CCNF: variants seen among roughly 807,000 people sequenced by gnomAD.
CCNF encodes the protein cyclin-F.
A neutral mutation model predicts 85.4 loss-of-function variants in CCNF; 30 were observed. That is an observed-to-expected ratio of 0.35 (90% confidence interval 0.26 to 0.48). The LOEUF is 0.48. CCNF is among the 20% of genes least tolerant of loss of function. CCNF has a pLI of 0.99. For synonymous variants in CCNF, 439 were observed against 425.1 expected (o/e 1.03, Z -0.40); for missense variants, 919 against 1,010.4 (o/e 0.91, Z 1.23).
chr16:2,437,678 C>T (rs569518039), intron 5 of CCNF: 15 of 316,578 alleles, frequency 4.7e-5, no homozygotes, highest in African/African-American at 2.1e-4. Flanking sequence ...TGCTTGTGGC[C>T]AGGTGTTCGA....
chr16:2,455,401 G>A lies in CCNF; in HGVS notation c.1722G>A (p.Arg574=), dbSNP rs2141832482. The part of the protein sequence containing the change: ...SPSGRRTKRK[R]ENSLQEDRGS... ...GGCTCTCTCCACCTTGCAGGAAGCG[G>A]GAGAACAGCCTCCAGGAAGACAGAG... The change falls in exon 16 of 17, where the codon CGG becomes CGA. Residue 574 remains arginine, a synonymous_variant. Coordinates refer to ENST00000397066, the MANE Select transcript of CCNF (RefSeq NM_001761.3). 6.3e-7 allele frequency: 1 copy of A among 1,580,826 alleles called. No individual in the cohort carries two copies. The highest frequency in any genetic ancestry group is 8.7e-7 in the Non-Finnish European group (1 of 1,154,336).
chr16:2,453,463 C>T lies in CCNF; in HGVS notation c.1641C>T (p.Pro547=), dbSNP rs750242321. 1.4e-5 allele frequency: 23 copies of T among 1,613,950 alleles called. No homozygotes were observed. The highest frequency in any genetic ancestry group is 8.3e-5 in the Admixed American group (5 of 60,002). Residue 547 remains proline, a synonymous_variant, in exon 15 of 17, where the codon CCC becomes CCT. Coordinates refer to ENST00000397066, the MANE Select transcript of CCNF (RefSeq NM_001761.3). This position sits in a 1 kb window ranked among gnomAD's most constrained non-coding sequence, Gnocchi z 5.6. The part of the protein sequence containing the change: ...CAALGVTQDS[P]DPPTFLSTGE... ...CATTAGGAGTGACACAAGACAGCCC[C>T]GACCCCCCGACTTTCCTCAGCACAG...
At position 2,453,630 on chromosome 16, in the gene CCNF, C is replaced by CAAA. The variant is rs1464976734; in HGVS notation, c.1715+95_1715+96insAAA. The CAAA allele has an allele frequency of 5.6e-5, 85 of 1,511,226 alleles. No homozygotes were observed. Among genetic ancestry groups the CAAA allele is most frequent in the Non-Finnish European group, 7.6e-5 (84 of 1,104,394 alleles). 93.6% of individuals were successfully genotyped at this position (1,511,226 alleles called of 1,614,324 possible). ...GCGCTTCCTCACACAGAGAGGCCCC[C>CAAA]AAGGCTTGTCAGGGGAGCAGCAGAT... On this transcript the variant is annotated intron_variant, in intron 15 of 16. Transcript: ENST00000397066. This position sits in a 1 kb window ranked among gnomAD's most constrained non-coding sequence, Gnocchi z 5.6.
chr16:2,439,734 A>G lies in CCNF; in HGVS notation c.700-15A>G, dbSNP rs1262669032. 9.3e-6 allele frequency: 15 copies of G among 1,611,534 alleles called. No individual in the cohort carries two copies. Among genetic ancestry groups the G allele is most frequent in the Non-Finnish European group, 1.2e-5 (14 of 1,177,854 alleles). On this transcript the variant is annotated splice_polypyrimidine_tract_variant and intron_variant, in intron 7 of 16. Transcript: ENST00000397066. ...GACACAGTTGTACAAAGGCTCGGTG[A>G]TCTCCCATTGACAGGTGTCAGATCC...
intron 1 of CCNF, among the ~76,000 whole-genome samples, chr16:2,429,835 C>A (rs1567381118): frequency 6.6e-6 from 1 of 152,084 alleles, no homozygotes; most frequent in Non-Finnish European, 1.5e-5. Context: ...ACCAGCGCCT[C>A]CTGGTCGGGG....
intron 3 of CCNF, among the ~76,000 whole-genome samples, chr16:2,435,424 AT>A (rs34956143): frequency 1.3e-5 from 2 of 149,050 alleles, no homozygotes; most frequent in Non-Finnish European, 1.5e-5. Flanking sequence ...AAAAGAAAAT[AT>A]TTTTTTTTGA....
intron 3 of CCNF, 130 bp from the exon 4 acceptor site, chr16:2,435,676 T>C (rs1244329843): frequency 0.14 from 2,191 of 15,670 alleles, 85 homozygotes; most frequent in Admixed American, 0.23. Flanking sequence ...CATATATATA[T>C]ATATATATAT....
Position 2,448,856 on chromosome 16 carries a change from T to A in CCNF, c.1096T>A (p.Phe366Ile). Reference protein sequence around the residue: ...GIACMVICTRFISKEILTIRE... With the variant: ...GIACMVICTRIISKEILTIRE... Reference sequence around the variant, plus strand: ...TGAGACCCCTTCTCGGCGTTGCAGGTTTATCAGTAAAGAGATCCTGACCAT... The same window carrying A: ...TGAGACCCCTTCTCGGCGTTGCAGGATTATCAGTAAAGAGATCCTGACCAT... The change falls in exon 11 of 17, where the codon TTT becomes ATT. Residue 366 changes from phenylalanine (F) to isoleucine (I), a missense_variant and splice_region_variant. This residue lies in a region of CCNF where 410 missense variants were observed against 478.6 expected (regional missense o/e 0.86). Coordinates refer to ENST00000397066, the MANE Select transcript of CCNF (RefSeq NM_001761.3). The A allele has an allele frequency of 6.2e-7, 1 of 1,612,174 alleles. No individual in the cohort carries two copies. The highest frequency in any genetic ancestry group is 8.5e-7 in the Non-Finnish European group (1 of 1,178,794).
rs529445674 is a variant in CCNF, at chr16:2,449,398, C to T, written c.1335C>T (p.Ser445=). 1.6e-5 allele frequency: 26 copies of T among 1,612,184 alleles called. No homozygotes were observed. In the East Asian group the frequency reaches 1.8e-4, roughly 11 times the overall value. ...CELSLLHTSL[S]AYAPARLAAA... The stretch of plus-strand genomic sequence containing the variant: ...TCTCCCTGCTGCACACCAGCCTGTC[C>T]GCCTACGCCCCAGCCCGCCTGGCTG... The change falls in exon 12 of 17, where the codon TCC becomes TCT. Residue 445 remains serine (S), a synonymous_variant. Coordinates refer to ENST00000397066, the MANE Select transcript of CCNF (RefSeq NM_001761.3).
At chr16:2,441,402 A>C (rs1006486700) in intron 8 of CCNF, among the ~76,000 whole-genome samples, 3 of 152,106 alleles carry the variant, frequency 2.0e-5, no homozygotes, top group South Asian at 2.1e-4. Context: ...TCTCAACAAA[A>C]ACATTGTTTA....
At chr16:2,449,076 G>A (rs117691134) in intron 11 of CCNF, 98 bp downstream of exon 11, 136 of 1,538,296 alleles carry the variant, frequency 8.8e-5, no homozygotes, top group Non-Finnish European at 1.2e-4. Flanking sequence ...GGGCCTCATG[G>A]ACTCAGAGAG....
At position 2,437,316 on chromosome 16, in the gene CCNF, G is replaced by T; in HGVS notation, c.534G>T (p.Leu178=). The change falls in exon 5 of 17, where the codon CTG becomes CTT. Residue 178 remains leucine, a synonymous_variant. Transcript: ENST00000397066. The part of the protein sequence containing the change: ...VHESLRAECQ[L]QRTHKASILH... Reference sequence around the variant, plus strand: ...AGAGCCTCAGGGCAGAGTGCCAGCTGCAGAGGGTGAGTCTGGGCGAGGGGC... The same window carrying T: ...AGAGCCTCAGGGCAGAGTGCCAGCTTCAGAGGGTGAGTCTGGGCGAGGGGC... The T allele has an allele frequency of 1.9e-6, 3 of 1,587,754 alleles. No homozygotes were observed. Among genetic ancestry groups the T allele is most frequent in the Non-Finnish European group, 2.6e-6 (3 of 1,167,082 alleles).
Position 2,451,928 on chromosome 16 carries a change from C to A in CCNF, c.1488-1282C>A, listed in dbSNP as rs1055919566. Among the ~76,000 whole-genome samples, 1 of 152,238 alleles carries A rather than the reference C, an allele frequency of 6.6e-6. No homozygotes were observed. The highest frequency in any genetic ancestry group is 2.4e-5 in the African/African-American group (1 of 41,470). On this transcript the variant is annotated intron_variant, in intron 13 of 16. Transcript: ENST00000397066. The surrounding 1 kb of genome is among the most constrained non-coding windows in gnomAD (Gnocchi z 4.3). ...ATCTCAACCTTGACCTGCCACCCCC[C>A]TGCCAGCGTGACTCAGCCAACGGCC...
intron 4 of CCNF, chr16:2,436,364 G>A (rs2141817036): frequency 6.5e-6 from 1 of 153,158 alleles, no homozygotes; most frequent in East Asian, 1.9e-4. Context: ...GGTGCTCCTT[G>A]AAAGAAACTT....
chr16:2,445,567 G>A lies in CCNF; in HGVS notation c.1039G>A (p.Val347Met). 6.2e-7 allele frequency: 1 copy of A among 1,613,938 alleles called. No individual in the cohort carries two copies. The highest frequency in any genetic ancestry group is 8.5e-7 in the Non-Finnish European group (1 of 1,180,018). ...CVDRYLRRRL[V>M]PRYRLQLLGI... ...GGACCGGTACCTGCGGAGGAGGCTG[G>A]TGCCGCGGTACAGGCTCCAGCTGCT... is the stretch of plus-strand genomic sequence containing the variant. The change falls in exon 10 of 17, where the codon GTG (valine) becomes ATG (methionine). Residue 347 changes from valine to methionine, a missense_variant. By Grantham distance (21) the Val-to-Met change is conservative. Transcript: ENST00000397066.
In CCNF at chr16:2,455,559, G is replaced by A; in HGVS notation, c.1880G>A (p.Gly627Asp). Residue 627 changes from glycine (G) to aspartate (D), a missense_variant, in exon 16 of 17, where the codon GGC (glycine) becomes GAC (aspartate). Coordinates refer to ENST00000397066, the MANE Select transcript of CCNF (RefSeq NM_001761.3). ...CAGGAGAGTGAGGGCGAGAAGGAGG[G>A]CGACGGTGAGTGTGGGGCCAGGGTG... ...GDQESEGEKE[G>D]DVTAPSGILD... 1 of 1,593,464 alleles carries A rather than the reference G, an allele frequency of 6.3e-7. No homozygotes were observed. The highest frequency in any genetic ancestry group is 8.6e-7 in the Non-Finnish European group (1 of 1,163,572).
chr16:2,435,963 G>T, intron 4 of CCNF, 90 bp downstream of exon 4: 1 of 913,112 alleles, frequency 1.1e-6, no homozygotes, highest in South Asian at 1.5e-5. Flanking sequence ...TAGCAGTTCA[G>T]TTGCTGTCCT....
intron 15 of CCNF, among the ~76,000 whole-genome samples, chr16:2,455,070 A>C (rs1361471812): frequency 7.3e-5 from 11 of 151,322 alleles, no homozygotes; most frequent in African/African-American, 1.2e-4. Flanking sequence ...AAAAAAAAAA[A>C]AAAAAAAAAA....
intron 9 of CCNF, among the ~76,000 whole-genome samples, chr16:2,445,208 G>A (rs2065354835): frequency 6.6e-6 from 1 of 152,200 alleles, no homozygotes; most frequent in Non-Finnish European, 1.5e-5. Context: ...TCAGGTCGAG[G>A]TCTCAAAGCG....
Sources: allele counts gnomAD v4.1 joint callset (sites outside exome capture counted in the v4.1 genomes callset), GRCh38; gene constraint gnomAD v4.1.1; regional missense constraint gnomAD v4.1.1; non-coding constraint Gnocchi (gnomAD v3.1); transcripts MANE v1.5; gene names NCBI Gene and HGNC (gene_info 2026-07-23, HGNC 2026-07-21).